RBPJ: variants seen among roughly 807,000 people sequenced by gnomAD.
RBPJ encodes recombination signal binding protein for immunoglobulin kappa J region.
RBPJ carries 9 observed loss-of-function variants against 67.8 expected under a neutral mutation model. That is an observed-to-expected ratio of 0.13 (90% CI 0.08 to 0.23). The LOEUF is 0.23. Ranked by LOEUF, RBPJ falls within the 10% of genes least tolerant of loss-of-function variation. The pLI is 1.00. For missense variants in RBPJ, 305 were observed against 595.6 expected (o/e 0.51, Z 5.08); for synonymous variants, 198 against 203.3 (o/e 0.97, Z 0.22).
chr4:26,327,921 GAAATAT>G (rs1052535022), intron 1 of RBPJ, among the ~76,000 whole-genome samples: 7 of 152,078 alleles, frequency 4.6e-5, no homozygotes, highest in Admixed American at 3.9e-4. Flanking sequence ...ATTGCTTTAT[GAAATAT>G]AAATGTAATA....
chr4:26,367,509 A>G (rs1220756309), intron 1 of RBPJ, among the ~76,000 whole-genome samples: 1 of 152,186 alleles, frequency 6.6e-6, no homozygotes, highest in African/African-American at 2.4e-5. Flanking sequence ...TTCACTTTTT[A>G]TATGTTAGGA....
chr4:26,313,162 A>C (rs940701244), intron 1 of RBPJ, among the ~76,000 whole-genome samples: 57 of 152,244 alleles, frequency 3.7e-4, no homozygotes, highest in African/African-American at 1.4e-3. Context: ...GGCTCAAGTG[A>C]TCTGCCTGTC....
chr4:26,392,664 G>A (rs1250127803), intron 2 of RBPJ, among the ~76,000 whole-genome samples: 1 of 152,164 alleles, frequency 6.6e-6, no homozygotes, highest in African/African-American at 2.4e-5. Context: ...GGGGATAGGG[G>A]GAGGCAGGAG....
In RBPJ at chr4:26,228,077, C is replaced by G. The variant is rs561015365; in HGVS notation, c.-167+64463C>G. ...GAACACATGGCCTCAGCCCTGCGCC[C>G]CACCCATCCCTTAACCATTTCACCT... On this transcript the variant is annotated intron_variant, in intron 1 of 4. Transcript: ENST00000512351. Among the ~76,000 whole-genome samples the G allele has an allele frequency of 2.0e-5, 3 of 152,352 alleles. 1 individual carries two copies. Among genetic ancestry groups the G allele is most frequent in the Admixed American group, 2.0e-4 (3 of 15,306 alleles).
intron 1 of RBPJ, among the ~76,000 whole-genome samples, chr4:26,164,904 G>A (rs1716208856): frequency 6.6e-6 from 1 of 152,082 alleles, no homozygotes; most frequent in Non-Finnish European, 1.5e-5. Context: ...GGAGGCCTGG[G>A]GAAGCTCAGA....
chr4:26,394,187 C>T (rs1205073260), intron 2 of RBPJ, among the ~76,000 whole-genome samples: 2 of 152,176 alleles, frequency 1.3e-5, no homozygotes, highest in Non-Finnish European at 1.5e-5. Flanking sequence ...CCACCACACC[C>T]GGCTAATTTT....
chr4:26,133,707 C>T, the RBPJ span, among the ~76,000 whole-genome samples: 76,653 of 151,832 alleles, frequency 0.5, 19,398 homozygotes, highest in East Asian at 0.6. Flanking sequence ...GCCTGATGAT[C>T]TGAGGTGGAA....
chr4:26,414,204 C>G (rs1207487981), intron 3 of RBPJ, among the ~76,000 whole-genome samples: 1 of 151,892 alleles, frequency 6.6e-6, no homozygotes, highest in Non-Finnish European at 1.5e-5. Flanking sequence ...CAGAGTCTCA[C>G]TCTAACCCAA....
chr4:26,351,442 C>G (rs1294970564), intron 1 of RBPJ, among the ~76,000 whole-genome samples: 3 of 151,950 alleles, frequency 2.0e-5, no homozygotes, highest in Non-Finnish European at 2.9e-5. Flanking sequence ...GCCCTGTCGC[C>G]CAGGCTCAGC....
chr4:26,209,268 A>C (rs1269594045), intron 1 of RBPJ, among the ~76,000 whole-genome samples: 1 of 152,040 alleles, frequency 6.6e-6, no homozygotes, highest in African/African-American at 2.4e-5. Context: ...CTTCCAAAAT[A>C]TGATCTTTGC....
chr4:26,308,955 A>G (rs1722336732), intron 1 of RBPJ, among the ~76,000 whole-genome samples: 1 of 152,208 alleles, frequency 6.6e-6, no homozygotes, highest in South Asian at 2.1e-4. Flanking sequence ...AAAATTTTAA[A>G]AACAAATATG....
chr4:26,277,685 TGGA>T (rs1284560674), intron 1 of RBPJ, among the ~76,000 whole-genome samples: 1 of 152,228 alleles, frequency 6.6e-6, no homozygotes, highest in African/African-American at 2.4e-5. Context: ...ATGGCAGTGA[TGGA>T]GGAACAGATG....
At chr4:26,259,188 C>G (rs1191534756) in intron 1 of RBPJ, among the ~76,000 whole-genome samples, 4 of 152,150 alleles carry the variant, frequency 2.6e-5, no homozygotes, top group Non-Finnish European at 5.9e-5. Flanking sequence ...GATTTCCCCT[C>G]AAAACTCTTG....
chr4:26,376,714 T>C (rs999692943), intron 1 of RBPJ, among the ~76,000 whole-genome samples: 2 of 152,254 alleles, frequency 1.3e-5, no homozygotes, highest in Admixed American at 6.5e-5. Context: ...CTGTTTTCCA[T>C]AGTGGCTGTA....
chr4:26,196,459 G>A (rs1478965556), intron 1 of RBPJ, among the ~76,000 whole-genome samples: 2 of 152,166 alleles, frequency 1.3e-5, no homozygotes, highest in Non-Finnish European at 2.9e-5. Flanking sequence ...GACTGCTCGT[G>A]GGTATGGGAT....
intron 2 of RBPJ, among the ~76,000 whole-genome samples, chr4:26,397,697 G>C (rs2109697961): frequency 6.6e-6 from 1 of 152,128 alleles, no homozygotes; most frequent in East Asian, 1.9e-4. Context: ...GCAGTGGCGC[G>C]ATCTTGCCTC....
rs1735416164 is a variant in RBPJ, at chr4:26,424,240, T to A, written c.497-102T>A. The A allele has an allele frequency of 1.8e-6, 2 of 1,097,476 alleles. No homozygotes were observed. Among genetic ancestry groups the A allele is most frequent in the Non-Finnish European group, 2.7e-6 (2 of 750,234 alleles). The allele number at this position is 1,097,476 out of a possible 1,614,324, so 68.0% of individuals were successfully genotyped here. ...AAATATTTGTCAAACTGTTAAATGA[T>A]AAGAAAGAATAATTATACACTGCCA... On this transcript the variant is annotated intron_variant, in intron 5 of 10. Coordinates refer to ENST00000355476, the MANE Select transcript of RBPJ (RefSeq NM_015874.6). This position sits in a 1 kb window ranked among gnomAD's most constrained non-coding sequence, Gnocchi z 5.3.
chr4:26,388,326 A>G (rs576217006), intron 2 of RBPJ, among the ~76,000 whole-genome samples: 3 of 152,268 alleles, frequency 2.0e-5, no homozygotes, highest in African/African-American at 4.8e-5. Context: ...TTTGTGTTCT[A>G]TATGTCCAAG....
intron 1 of RBPJ, among the ~76,000 whole-genome samples, chr4:26,232,785 T>C (rs1430351787): frequency 6.6e-6 from 1 of 152,230 alleles, no homozygotes; most frequent in Non-Finnish European, 1.5e-5. Context: ...TGGGAGCAAA[T>C]GGCTTGGATC....
Sources: gnomAD v4.1 joint callset for allele counts (sites outside exome capture counted in the v4.1 genomes callset) on GRCh38, gnomAD v4.1.1 for gene constraint, Gnocchi (gnomAD v3.1) non-coding constraint, MANE v1.5 for transcripts, NCBI Gene and HGNC (gene_info 2026-07-23, HGNC 2026-07-21) for gene names.